ZMIZ1: variants seen among roughly 807,000 people sequenced by gnomAD.
The protein encoded by ZMIZ1 is zinc finger MIZ-type containing 1.
A neutral mutation model predicts 113.9 loss-of-function variants in ZMIZ1; 17 were observed. That is an observed-to-expected ratio of 0.15 (90% CI 0.10 to 0.22). The LOEUF is 0.22. Ranked by LOEUF, ZMIZ1 falls within the 10% of genes least tolerant of loss-of-function variation. The pLI, the probability that ZMIZ1 is intolerant of heterozygous loss-of-function variation, is 1.00. For missense variants in ZMIZ1, 1,059 were observed against 1,477.8 expected (o/e 0.72, Z 4.65); for synonymous variants, 607 against 603.1 (o/e 1.01, Z -0.09).
intron 2 of ZMIZ1, among the ~76,000 whole-genome samples, chr10:79,128,320 T>C (rs532605368): frequency 5.3e-5 from 8 of 152,310 alleles, no homozygotes; most frequent in African/African-American, 1.2e-4. Flanking sequence ...CCCAGACATA[T>C]GCGGTGTGGC....
At chr10:79,213,429 C>T (rs755584919) in intron 6 of ZMIZ1, among the ~76,000 whole-genome samples, 8 of 152,316 alleles carry the variant, frequency 5.3e-5, no homozygotes, top group African/African-American at 1.7e-4. Flanking sequence ...TTGACTTCCT[C>T]ATCAGTGAAA....
Position 79,305,013 on chromosome 10 carries a change from C to G in ZMIZ1, c.2287-151C>G, listed in dbSNP as rs1348293722. Reference sequence around the variant, plus strand: ...AGGACTCTGCGTGGCAGAAAGGTAGCATTGCTTTCATTCCACCCAGCCCCA... The same window carrying G: ...AGGACTCTGCGTGGCAGAAAGGTAGGATTGCTTTCATTCCACCCAGCCCCA... On this transcript the variant is annotated intron_variant, in intron 19 of 24. Transcript: ENST00000334512. 4 of 815,460 alleles carry G rather than the reference C, an allele frequency of 4.9e-6. No homozygotes were observed. The Admixed American group carries it at 8.0e-5, about 16-fold the overall frequency. 50.5% of individuals were successfully genotyped at this position (815,460 alleles called of 1,614,324 possible).
intron 1 of ZMIZ1, among the ~76,000 whole-genome samples, chr10:79,095,316 C>G (rs1167668346): frequency 6.6e-6 from 1 of 152,184 alleles, no homozygotes; most frequent in African/African-American, 2.4e-5. Context: ...GTTTTGAGGG[C>G]AGAACGCTAT....
At chr10:79,281,674 G>A (rs751561452) in intron 8 of ZMIZ1, among the ~76,000 whole-genome samples, 8 of 152,220 alleles carry the variant, frequency 5.3e-5, no homozygotes, top group South Asian at 2.1e-4. Flanking sequence ...TGGAAGACTC[G>A]CTGAGTACTG....
chr10:79,297,680 A>C lies in ZMIZ1; in HGVS notation c.1481A>C (p.Asn494Thr), dbSNP rs201206448. 1.2e-6 allele frequency: 2 copies of C among 1,613,940 alleles called. No individual in the cohort carries two copies. Among genetic ancestry groups the C allele is most frequent in the East Asian group, 4.5e-5 (2 of 44,882 alleles). The change falls in exon 14 of 25, where the codon AAT becomes ACT. Residue 494 changes from asparagine to threonine, a missense_variant. Coordinates refer to ENST00000334512, the MANE Select transcript of ZMIZ1 (RefSeq NM_020338.4). ...AGCTACAGTAACTACAGCCAAGGGA[A>C]TGTCAACAGGGTATGTTCCAATTTA... Reference protein sequence around the residue: ...GSSYSNYSQGNVNRPPRPVPV... With the variant: ...GSSYSNYSQGTVNRPPRPVPV...
chr10:79,213,733 T>C (rs1848612364), intron 6 of ZMIZ1, among the ~76,000 whole-genome samples: 2 of 152,186 alleles, frequency 1.3e-5, no homozygotes, highest in Admixed American at 1.3e-4. Flanking sequence ...GAGAAAGAAG[T>C]CTTAGCACAG....
At chr10:79,311,845 C>T (rs868858644) in intron 24 of ZMIZ1, among the ~76,000 whole-genome samples, 1 of 151,828 alleles carries the variant, frequency 6.6e-6, no homozygotes, top group African/African-American at 2.4e-5. Context: ...TGGGACTGAG[C>T]ACCGGCCCCG....
chr10:79,157,576 G>C (rs1845950522), intron 3 of ZMIZ1, among the ~76,000 whole-genome samples: 1 of 152,130 alleles, frequency 6.6e-6, no homozygotes, highest in African/African-American at 2.4e-5. Context: ...GCCTCCTCTG[G>C]TGGGTGCATG....
intron 4 of ZMIZ1, among the ~76,000 whole-genome samples, chr10:79,198,181 C>T (rs1847924677): frequency 6.6e-6 from 1 of 152,108 alleles, no homozygotes; most frequent in Non-Finnish European, 1.5e-5. Context: ...ATGGCGTGAA[C>T]CCGGGAGGCA....
intron 1 of ZMIZ1, among the ~76,000 whole-genome samples, chr10:79,117,093 C>G (rs1308870747): frequency 6.6e-6 from 1 of 152,258 alleles, no homozygotes; most frequent in Non-Finnish European, 1.5e-5. Context: ...GGGGAGTTCC[C>G]CACCCTCCAC....
In ZMIZ1 at chr10:79,289,803, C is replaced by T. The variant is rs1396205882; in HGVS notation, c.454C>T (p.Pro152Ser). 5.0e-6 allele frequency: 8 copies of T among 1,614,052 alleles called. No homozygotes were observed. The highest frequency in any genetic ancestry group is 3.3e-4 in the Middle Eastern group (2 of 6,058). Reference protein sequence around the residue: ...SDGSFPYDSVPWQQNTNQPPG... With the variant: ...SDGSFPYDSVSWQQNTNQPPG... The stretch of plus-strand genomic sequence containing the variant: ...TGGGTCGTTCCCCTATGACTCTGTC[C>T]CTTGGCAGCAGAACACCAACCAGCC... Residue 152 changes from proline (P) to serine (S), a missense_variant, in exon 9 of 25, where the codon CCT (proline) becomes TCT (serine). By Grantham distance (74) the Pro-to-Ser change is moderately conservative (BLOSUM62 -1). This residue lies in a region of ZMIZ1 where 272 missense variants were observed against 350.4 expected (regional missense o/e 0.78). Transcript: ENST00000334512.
chr10:79,308,493 C>T (rs762537516), intron 23 of ZMIZ1, among the ~76,000 whole-genome samples: 4 of 152,092 alleles, frequency 2.6e-5, no homozygotes, highest in South Asian at 2.1e-4. Flanking sequence ...GGAGAGGGCC[C>T]GGGGTCCTGC....
chr10:79,076,058 C>T (rs1842464385), intron 1 of ZMIZ1, among the ~76,000 whole-genome samples: 1 of 152,206 alleles, frequency 6.6e-6, no homozygotes, highest in African/African-American at 2.4e-5. Context: ...GTGAACCTCT[C>T]TGACTCTGGG....
chr10:79,173,307 T>C (rs574396706), intron 4 of ZMIZ1, among the ~76,000 whole-genome samples: 26 of 152,330 alleles, frequency 1.7e-4, no homozygotes, highest in African/African-American at 6.0e-4. Context: ...TTTTCTTTTT[T>C]TTAGCTCATC....
chr10:79,212,383 A>T (rs1201861104), intron 6 of ZMIZ1, among the ~76,000 whole-genome samples: 8 of 151,694 alleles, frequency 5.3e-5, no homozygotes, highest in Admixed American at 5.3e-4. Flanking sequence ...GTTGCCCAGG[A>T]TGGTCTCAAA....
At chr10:79,164,132 G>A (rs1435130792) in intron 4 of ZMIZ1, among the ~76,000 whole-genome samples, 2 of 152,204 alleles carry the variant, frequency 1.3e-5, no homozygotes, top group African/African-American at 2.4e-5. Flanking sequence ...AGACACGGCT[G>A]GGGGTGGGGA....
chr10:79,096,553 A>G lies in ZMIZ1; in HGVS notation c.-336-22362A>G, dbSNP rs183208981. 4.0e-5 allele frequency among the ~76,000 whole-genome samples: 6 copies of G among 151,754 alleles called. No individual in the cohort carries two copies. In the East Asian group the frequency reaches 1.2e-3, roughly 29 times the overall value. ...AAAGAAAAGAAATGAGACGGCTTCA[A>G]AGAACCTCCAGCACGTGGAGGTGAG... is the stretch of plus-strand genomic sequence containing the variant. On this transcript the variant is annotated intron_variant, in intron 1 of 24. Transcript: ENST00000334512.
chr10:79,108,787 G>A (rs1843640958), intron 1 of ZMIZ1, among the ~76,000 whole-genome samples: 1 of 152,082 alleles, frequency 6.6e-6, no homozygotes, highest in Admixed American at 6.5e-5. Flanking sequence ...GTTTTGGACG[G>A]GCCTAACTAC....
At chr10:79,260,621 G>A (rs767239505) in intron 7 of ZMIZ1, among the ~76,000 whole-genome samples, 3 of 152,196 alleles carry the variant, frequency 2.0e-5, no homozygotes, top group East Asian at 1.9e-4. Flanking sequence ...TTCAATGCAC[G>A]CCTTTTATTC....
Sources: allele counts gnomAD v4.1 joint callset (sites outside exome capture counted in the v4.1 genomes callset), GRCh38; gene constraint gnomAD v4.1.1; regional missense constraint gnomAD v4.1.1; transcripts MANE v1.5; gene names NCBI Gene and HGNC (gene_info 2026-07-23, HGNC 2026-07-21).